The following MPDZ variants were observed in gnomAD, a reference collection of about 807,000 sequenced individuals.
The protein encoded by MPDZ is multiple PDZ domain protein.
A neutral mutation model predicts 239.1 loss-of-function variants in MPDZ; 234 were observed. That is an observed-to-expected ratio of 0.98 (90% CI 0.88 to 1.09). The LOEUF is 1.09. Among genes scored for constraint, MPDZ ranks in the 50% least tolerant of loss-of-function variants. The pLI, the probability that MPDZ is intolerant of heterozygous loss-of-function variation, is 0.00. For synonymous variants in MPDZ, 1,048 were observed against 881.3 expected (o/e 1.19, Z -3.35); for missense variants, 3,175 against 2,510.0 (o/e 1.26, Z -5.66).
intron 3 of MPDZ, among the ~76,000 whole-genome samples, chr9:13,242,836 G>A (rs2137448632): frequency 6.6e-6 from 1 of 152,270 alleles, no homozygotes; most frequent in Admixed American, 6.5e-5. Flanking sequence ...AGGAGGCTGT[G>A]CTGTACATTG....
At chr9:13,276,126 C>T (rs1281551755) in intron 1 of MPDZ, among the ~76,000 whole-genome samples, 4 of 152,158 alleles carry the variant, frequency 2.6e-5, no homozygotes, top group African/African-American at 9.7e-5. Context: ...ACTTCTGGAG[C>T]AGAATCATGT....
chr9:13,203,779 G>C (rs144687304), intron 12 of MPDZ, among the ~76,000 whole-genome samples: 54 of 150,894 alleles, frequency 3.6e-4, no homozygotes, highest in African/African-American at 1.3e-3. Flanking sequence ...CACACAGAGA[G>C]AGAAAGAGAG....
In MPDZ at chr9:13,157,961, C is replaced by A. The variant is rs559707317; in HGVS notation, c.3452+57G>T. The A allele has an allele frequency of 7.0e-4, 1,026 of 1,460,174 alleles. 7 individuals are homozygous for A. The African/African-American group carries it at 0.013, about 18-fold the overall frequency. 90.5% of individuals were successfully genotyped at this position (1,460,174 alleles called of 1,614,324 possible). A position where few individuals can be genotyped will look rare whatever the true frequency, so the allele number is the denominator to read the frequency against. ...AATCCAGTACTTGAAACCACACCTG[C>A]TTATCTTTAAACACTATATATCCAT... On this transcript the variant is annotated intron_variant, in intron 24 of 46. Coordinates refer to ENST00000319217, the MANE Select transcript of MPDZ (RefSeq NM_001378778.1).
intron 38 of MPDZ, chr9:13,120,540 GACT>G (rs1944187886): frequency 1.3e-5 from 2 of 152,156 alleles, no homozygotes; most frequent in African/African-American, 4.8e-5. Context: ...ATGAGAACTA[GACT>G]ACTGATACTG....
chr9:13,187,841 T>A (rs1159511413), intron 17 of MPDZ, among the ~76,000 whole-genome samples: 1 of 152,170 alleles, frequency 6.6e-6, no homozygotes, highest in East Asian at 1.9e-4. Context: ...AATACAATGA[T>A]AAGTGCCATG....
At chr9:13,247,176 T>C (rs750813351) in intron 3 of MPDZ, among the ~76,000 whole-genome samples, 1 of 152,228 alleles carries the variant, frequency 6.6e-6, no homozygotes, top group African/African-American at 2.4e-5. Context: ...AATGTAATTA[T>C]TCCTTTTACT....
intron 1 of MPDZ, among the ~76,000 whole-genome samples, chr9:13,256,981 G>A (rs1969596517): frequency 6.6e-6 from 1 of 152,114 alleles, no homozygotes; most frequent in Non-Finnish European, 1.5e-5. Context: ...CCTATGTTTG[G>A]TTTCAGGCAT....
chr9:13,108,791 C>A, intron 46 of MPDZ, 145 bp downstream of exon 46: 2 of 675,732 alleles, frequency 3.0e-6, no homozygotes, highest in Non-Finnish European at 4.2e-6. Context: ...TATTTAATGA[C>A]CTGTTCCTGT....
chr9:13,228,997 C>T (rs537167398), intron 3 of MPDZ, among the ~76,000 whole-genome samples: 1 of 152,126 alleles, frequency 6.6e-6, no homozygotes, highest in Non-Finnish European at 1.5e-5. Context: ...ATTCAATATG[C>T]CTTCCAGAAG....
chr9:13,174,283 T>C (rs1465324386), intron 21 of MPDZ, among the ~76,000 whole-genome samples: 1 of 152,178 alleles, frequency 6.6e-6, no homozygotes, highest in Non-Finnish European at 1.5e-5. Flanking sequence ...AAATGTCAAT[T>C]AGCTTACTCT....
intron 3 of MPDZ, among the ~76,000 whole-genome samples, chr9:13,233,147 C>T (rs1963003819): frequency 6.6e-6 from 1 of 151,998 alleles, no homozygotes; most frequent in Non-Finnish European, 1.5e-5. Context: ...TTGGCAGAAT[C>T]CACGAAAGCT....
intron 19 of MPDZ, among the ~76,000 whole-genome samples, chr9:13,178,574 T>C (rs945728301): frequency 3.9e-5 from 6 of 152,226 alleles, no homozygotes; most frequent in African/African-American, 1.4e-4. Context: ...CTAATCACTT[T>C]AAAGTTCCTA....
chr9:13,106,924 G>C lies in MPDZ; in HGVS notation c.*41C>G. 6.2e-7 allele frequency: 1 copy of C among 1,606,418 alleles called. No individual in the cohort carries two copies. Among genetic ancestry groups the C allele is most frequent in the Non-Finnish European group, 8.5e-7 (1 of 1,173,844 alleles). On this transcript the variant is annotated 3_prime_UTR_variant, in exon 47 of 47. Coordinates refer to ENST00000319217, the MANE Select transcript of MPDZ (RefSeq NM_001378778.1). ...CCAGTGCATTCTCTTTACAGTAGGA[G>C]GTGAGCTAGGGGTTGGGTTGGTTCA...
chr9:13,240,108 A>C (rs1965013802), intron 3 of MPDZ, among the ~76,000 whole-genome samples: 1 of 152,142 alleles, frequency 6.6e-6, no homozygotes, highest in African/African-American at 2.4e-5. Flanking sequence ...TGAAAATTTA[A>C]ACAAACAACA....
chr9:13,185,554 G>T (rs1449722430), intron 18 of MPDZ, among the ~76,000 whole-genome samples: 2 of 152,040 alleles, frequency 1.3e-5, no homozygotes, highest in Admixed American at 1.3e-4. Flanking sequence ...AATGTGAACA[G>T]GATGTACAAT....
chr9:13,118,049 G>C (rs1340513211), intron 39 of MPDZ, among the ~76,000 whole-genome samples: 2 of 151,910 alleles, frequency 1.3e-5, no homozygotes, highest in Non-Finnish European at 2.9e-5. Flanking sequence ...TCTCCAGGTT[G>C]GTCAAGCTGG....
intron 16 of MPDZ, 66 bp downstream of exon 16, chr9:13,190,048 T>C: frequency 7.1e-7 from 1 of 1,398,900 alleles, no homozygotes; most frequent in Non-Finnish European, 9.9e-7. Flanking sequence ...TAAACTATCA[T>C]CATCTGCTTT....
At chr9:13,250,952 A>T (rs2138037682) in intron 1 of MPDZ, among the ~76,000 whole-genome samples, 1 of 151,916 alleles carries the variant, frequency 6.6e-6, no homozygotes, top group East Asian at 1.9e-4. Context: ...AACATGGTGA[A>T]ACCCCGTCTC....
rs777256705 is a variant in MPDZ, at chr9:13,264,657, A to T, written c.-57-14285T>A. Among the ~76,000 whole-genome samples the T allele has an allele frequency of 3.0e-4, 38 of 128,516 alleles. 1 individual carries two copies. The highest frequency in any genetic ancestry group is 1.0e-3 in the South Asian group (4 of 3,986). The allele number at this position is 128,516 out of a possible 152,430, so 84.3% of individuals were successfully genotyped here. On this transcript the variant is annotated intron_variant, in intron 1 of 46. Coordinates refer to ENST00000319217, the MANE Select transcript of MPDZ (RefSeq NM_001378778.1). ...CCCCATTAACCCTCACCCATAATTT[A>T]AAAAAAAAAAAAAAAAGAGTCCAAA...
Sources: allele counts gnomAD v4.1 joint callset (sites outside exome capture counted in the v4.1 genomes callset), GRCh38; gene constraint gnomAD v4.1.1; transcripts MANE v1.5; gene names NCBI Gene and HGNC (gene_info 2026-07-23, HGNC 2026-07-21).